The following RASSF6 variants were observed in gnomAD, a reference collection of about 807,000 sequenced individuals.
RASSF6 encodes the protein ras association domain-containing protein 6.
Under a neutral mutation model 44.0 loss-of-function variants are expected in RASSF6, and 52 were observed. That is an observed-to-expected ratio of 1.18 (90% CI 0.95 to 1.49). The LOEUF (loss-of-function observed/expected upper bound fraction) is 1.49. Ranked by LOEUF, RASSF6 falls within the 40% of genes most tolerant of loss-of-function variation. RASSF6 has a pLI of 0.00. For missense variants in RASSF6, 464 were observed against 393.3 expected (o/e 1.18, Z -1.52); for synonymous variants, 162 against 124.6 (o/e 1.30, Z -2.00).
At position 73,620,327 on chromosome 4, in the gene RASSF6, T is replaced by A; in HGVS notation, c.-74A>T. On this transcript the variant is annotated 5_prime_UTR_variant, in exon 1 of 11. An upstream start codon of the reference 5' UTR is lost. Coordinates refer to ENST00000307439, the MANE Select transcript of RASSF6 (RefSeq NM_177532.5). Reference sequence around the variant, plus strand: ...GTGAGCAGGAGGACCCTTTTCACCATCGTTGTTCGGCTGAACTTGCTTCGC... The same window carrying A: ...GTGAGCAGGAGGACCCTTTTCACCAACGTTGTTCGGCTGAACTTGCTTCGC... 3 of 1,476,548 alleles carry A rather than the reference T, an allele frequency of 2.0e-6. No homozygotes were observed. The highest frequency in any genetic ancestry group is 2.7e-6 in the Non-Finnish European group (3 of 1,117,926). 91.5% of individuals were successfully genotyped at this position (1,476,548 alleles called of 1,614,324 possible).
At chr4:73,616,675 A>G (rs1372109162) in intron 1 of RASSF6, among the ~76,000 whole-genome samples, 1 of 152,224 alleles carries the variant, frequency 6.6e-6, no homozygotes, top group African/African-American at 2.4e-5. Context: ...CGTCCCCAGT[A>G]AAAGCTACTT....
rs144226099 is a variant in RASSF6 at position 73,598,692 on chromosome 4, G to A, written c.92C>T (p.Thr31Ile). 33 of 1,476,514 alleles carry A rather than the reference G, an allele frequency of 2.2e-5. No homozygotes were observed. Among genetic ancestry groups the A allele is most frequent in the African/African-American group, 2.2e-4 (15 of 69,210 alleles). The allele number at this position is 1,476,514 out of a possible 1,614,324, so 91.5% of individuals were successfully genotyped here. A position where few individuals can be genotyped will look rare whatever the true frequency, so the allele number is the denominator to read the frequency against. Residue 31 changes from threonine to isoleucine, a missense_variant, in exon 3 of 11, where the codon ACC becomes ATC. By Grantham distance (89) the Thr-to-Ile change is moderately conservative. Transcript: ENST00000307439. ...CTGGTTCTCATAAAAAATGTTATAG[G>A]TCTTCAATAAAGAATTAAGTTGTTC... is the stretch of plus-strand genomic sequence containing the variant. ...TREQLNSLLK[T>I]YNIFYENQKN...
chr4:73,587,048 C>T (rs560594258), intron 5 of RASSF6, among the ~76,000 whole-genome samples: 186 of 152,172 alleles, frequency 1.2e-3, no homozygotes, highest in African/African-American at 4.4e-3. Context: ...CTGTCCACCA[C>T]CCCTCATTCT....
chr4:73,612,670 T>C (rs1726108200), intron 1 of RASSF6, among the ~76,000 whole-genome samples: 1 of 152,156 alleles, frequency 6.6e-6, no homozygotes, highest in Admixed American at 6.5e-5. Context: ...AAATCTCTGA[T>C]GCATATTTTT....
intron 4 of RASSF6, among the ~76,000 whole-genome samples, chr4:73,590,046 T>C (rs1373214746): frequency 6.6e-6 from 1 of 152,118 alleles, no homozygotes; most frequent in East Asian, 1.9e-4. Context: ...ATGTGAAAAA[T>C]AGCATAAGCA....
At chr4:73,612,443 C>A (rs1322425884) in intron 1 of RASSF6, among the ~76,000 whole-genome samples, 1 of 149,458 alleles carries the variant, frequency 6.7e-6, no homozygotes, top group African/African-American at 2.5e-5. Flanking sequence ...GGGGATAGAG[C>A]CAGAATAAAA....
intron 2 of RASSF6, among the ~76,000 whole-genome samples, chr4:73,611,105 C>G (rs572906459): frequency 1.3e-5 from 2 of 152,096 alleles, no homozygotes; most frequent in Admixed American, 6.6e-5. Flanking sequence ...TTTTTCCACC[C>G]CCCATAAGAT....
rs551354100 is a variant in RASSF6 at position 73,582,940 on chromosome 4, A to G, written c.568-650T>C. 2.6e-5 allele frequency among the ~76,000 whole-genome samples: 4 copies of G among 152,248 alleles called. No homozygotes were observed. In the South Asian group the frequency reaches 8.3e-4, roughly 32 times the overall value. On this transcript the variant is annotated intron_variant, in intron 6 of 10. Coordinates refer to ENST00000307439, the MANE Select transcript of RASSF6 (RefSeq NM_177532.5). ...TGGAGAGTGTCTAGGATAAACTTTT[A>G]TAAGTATGAGAAAATTCAATATTTG...
In RASSF6 at chr4:73,608,409, A is replaced by G. The variant is rs373842443; in HGVS notation, c.65+3322T>C. Among the ~76,000 whole-genome samples the G allele has an allele frequency of 7.3e-3, 1,114 of 152,284 alleles. 16 individuals carry two copies. The highest frequency in any genetic ancestry group is 0.025 in the African/African-American group (1,038 of 41,552). On this transcript the variant is annotated intron_variant, in intron 2 of 10. Transcript: ENST00000307439. ...ATATATGCTTATTGAAAAATATCAG[A>G]TATAAAAAAACCTAATAAATGTCCT...
At chr4:73,582,421 G>A (rs199659716) in intron 6 of RASSF6, 131 bp from the exon 7 acceptor site, 1 of 248,980 alleles carries the variant, frequency 4.0e-6, no homozygotes, top group Non-Finnish European at 7.1e-6. Flanking sequence ...TTTTGTTTTT[G>A]TTTGTTTTTC....
Position 73,578,883 on chromosome 4 carries a change from A to AT in RASSF6, c.722-2153dup, listed in dbSNP as rs368109397. Among the ~76,000 whole-genome samples the AT allele has an allele frequency of 4.0e-3, 614 of 152,116 alleles. 2 individuals are homozygous for AT. Among genetic ancestry groups the AT allele is most frequent in the African/African-American group, 0.014 (577 of 41,512 alleles). The stretch of plus-strand genomic sequence containing the variant: ...CACCTCGGCCTGCCAAAGTGCTGGG[A>AT]TTACAGGCATGAGCCACCGTGCCTG... On this transcript the variant is annotated intron_variant, in intron 8 of 10. Transcript: ENST00000307439.
At chr4:73,596,753 T>A (rs1268346795) in intron 3 of RASSF6, among the ~76,000 whole-genome samples, 1 of 152,134 alleles carries the variant, frequency 6.6e-6, no homozygotes, top group Non-Finnish European at 1.5e-5. Context: ...CAAAACAGCA[T>A]GATACTGGTA....
chr4:73,602,440 A>C (rs1407133113), intron 2 of RASSF6, among the ~76,000 whole-genome samples: 1 of 152,262 alleles, frequency 6.6e-6, no homozygotes, highest in Non-Finnish European at 1.5e-5. Context: ...GAAGGGACCT[A>C]TAATAATTAC....
rs963033496 is a variant in RASSF6 at position 73,572,907 on chromosome 4, G to GTA, written c.*3326_*3327dup. ...TTTAACATGTTTTTATTTCTTGTGT[G>GTA]TATATATATGCAAATATTAGTGTTC... On this transcript the variant is annotated 3_prime_UTR_variant, in exon 11 of 11. Transcript: ENST00000307439. 2 of 151,826 alleles carry GTA rather than the reference G, an allele frequency of 1.3e-5. No homozygotes were observed. Among genetic ancestry groups the GTA allele is most frequent in the African/African-American group, 2.4e-5 (1 of 41,344 alleles). 9.4% of individuals were successfully genotyped at this position (151,826 alleles called of 1,614,324 possible). A position where few individuals can be genotyped will look rare whatever the true frequency, so the allele number is the denominator to read the frequency against.
intron 8 of RASSF6, among the ~76,000 whole-genome samples, chr4:73,579,268 A>G (rs1232846829): frequency 1.3e-5 from 2 of 152,204 alleles, no homozygotes; most frequent in Admixed American, 6.5e-5. Flanking sequence ...ATCTGTAGGC[A>G]CTAGTGCTTA....
At chr4:73,590,715 A>G (rs1724480928) in intron 4 of RASSF6, among the ~76,000 whole-genome samples, 1 of 152,184 alleles carries the variant, frequency 6.6e-6, no homozygotes, top group Non-Finnish European at 1.5e-5. Context: ...ATGACAACCA[A>G]ATCTAATCTT....
intron 2 of RASSF6, among the ~76,000 whole-genome samples, chr4:73,607,115 C>T (rs572664070): frequency 8.5e-5 from 13 of 152,340 alleles, no homozygotes; most frequent in Admixed American, 5.9e-4. Context: ...TGCTGCTATT[C>T]AGAGGATCCT....
chr4:73,603,799 T>C (rs1183409067), intron 2 of RASSF6, among the ~76,000 whole-genome samples: 1 of 152,250 alleles, frequency 6.6e-6, no homozygotes, highest in East Asian at 1.9e-4. Flanking sequence ...AAGTGAATTA[T>C]GTCTGATATC....
Position 73,620,323 on chromosome 4 carries a change from A to G in RASSF6, c.-70T>C. On this transcript the variant is annotated 5_prime_UTR_variant, in exon 1 of 11. Coordinates refer to ENST00000307439, the MANE Select transcript of RASSF6 (RefSeq NM_177532.5). ...CACTGTGAGCAGGAGGACCCTTTTC[A>G]CCATCGTTGTTCGGCTGAACTTGCT... The G allele has an allele frequency of 4.1e-6, 6 of 1,474,316 alleles. No individual in the cohort carries two copies. Among genetic ancestry groups the G allele is most frequent in the Non-Finnish European group, 5.4e-6 (6 of 1,116,878 alleles). 91.3% of individuals were successfully genotyped at this position (1,474,316 alleles called of 1,614,324 possible). A position where few individuals can be genotyped will look rare whatever the true frequency, so the allele number is the denominator to read the frequency against.
Sources: allele counts gnomAD v4.1 joint callset (sites outside exome capture counted in the v4.1 genomes callset), GRCh38; gene constraint gnomAD v4.1.1; transcripts MANE v1.5; gene names NCBI Gene and HGNC (gene_info 2026-07-23, HGNC 2026-07-21).